The following ABI1 variants were observed in gnomAD, a reference collection of about 807,000 sequenced individuals.
The protein encoded by ABI1 is abl interactor 1.
Under a neutral mutation model 54.6 loss-of-function variants are expected in ABI1, and 14 were observed. The ratio of observed to expected loss-of-function variants is 0.26; its 90% CI spans 0.17 to 0.40. The LOEUF (loss-of-function observed/expected upper bound fraction) is 0.40, where lower values mean the gene tolerates loss of function less well. Ranked by LOEUF, ABI1 falls within the 10% of genes least tolerant of loss-of-function variation. ABI1 has a pLI of 1.00. For missense variants in ABI1, 443 were observed against 598.3 expected, an observed-to-expected ratio of 0.74 and a Z score of 2.71; for synonymous variants, 194 against 209.3, an observed-to-expected ratio of 0.93 and a Z score of 0.63.
chr10:26,770,289 A>C lies in ABI1; in HGVS notation c.534T>G (p.Thr178=), dbSNP rs925159694. The part of the protein sequence containing the change: ...TGTLSRTNPP[T]QKPPSPPMSG... ...ACATGGGAGGACTTGGCGGTTTCTG[A>C]GTAGGAGGATTTGTTCTCGACAGTG... Residue 178 remains threonine (T), a synonymous_variant, in exon 5 of 11, where the codon ACT becomes ACG. Coordinates refer to ENST00000376140, the MANE Select transcript of ABI1 (RefSeq NM_001012750.3). 7 of 1,614,038 alleles carry C rather than the reference A, an allele frequency of 4.3e-6. No homozygotes were observed. The African/African-American group carries it at 5.3e-5, about 12-fold the overall frequency.
chr10:26,843,795 CACAAG>C (rs2049773235), intron 1 of ABI1, among the ~76,000 whole-genome samples: 1 of 151,336 alleles, frequency 6.6e-6, no homozygotes, highest in Non-Finnish European at 1.5e-5. Context: ...CTCTATATAC[CACAAG>C]ACATTAATAA....
intron 8 of ABI1, among the ~76,000 whole-genome samples, chr10:26,757,902 T>G (rs1838522813): frequency 6.6e-6 from 1 of 151,770 alleles, no homozygotes; most frequent in Non-Finnish European, 1.5e-5. Flanking sequence ...ATGCTGTCCC[T>G]TCTAAAAATA....
At chr10:26,825,847 T>C (rs937974120) in intron 1 of ABI1, among the ~76,000 whole-genome samples, 1 of 152,212 alleles carries the variant, frequency 6.6e-6, no homozygotes, top group African/African-American at 2.4e-5. Flanking sequence ...AAGGAACAAC[T>C]CATCCATTCA....
chr10:26,786,643 T>C (rs1357099774), intron 2 of ABI1, among the ~76,000 whole-genome samples: 1 of 152,198 alleles, frequency 6.6e-6, no homozygotes, highest in African/African-American at 2.4e-5. Flanking sequence ...AGGGAAAATA[T>C]TGAGATTTCA....
chr10:26,815,466 T>C (rs552287623), intron 2 of ABI1, among the ~76,000 whole-genome samples: 1 of 152,280 alleles, frequency 6.6e-6, no homozygotes, highest in South Asian at 2.1e-4. Context: ...ACAGAGAATA[T>C]TCATAATTAA....
chr10:26,846,452 C>A (rs10829105), intron 1 of ABI1, among the ~76,000 whole-genome samples: 1 of 151,162 alleles, frequency 6.6e-6, no homozygotes, highest in East Asian at 2.0e-4. Flanking sequence ...AAGTGATTCT[C>A]CTGCCTCAGC....
At chr10:26,836,747 G>A (rs1361877463) in intron 1 of ABI1, among the ~76,000 whole-genome samples, 1 of 152,166 alleles carries the variant, frequency 6.6e-6, no homozygotes, top group Non-Finnish European at 1.5e-5. Flanking sequence ...CTGAGCTGAA[G>A]AATTAACCCT....
chr10:26,766,046 G>A (rs1235066307), intron 6 of ABI1, among the ~76,000 whole-genome samples: 1 of 152,114 alleles, frequency 6.6e-6, no homozygotes, highest in Non-Finnish European at 1.5e-5. Context: ...AAAAGAGAAA[G>A]TACAAATGAT....
chr10:26,848,781 G>C (rs1267058661), intron 1 of ABI1, among the ~76,000 whole-genome samples: 1 of 151,346 alleles, frequency 6.6e-6, no homozygotes, highest in African/African-American at 2.4e-5. Context: ...GCTAATTTTT[G>C]TATTTTTAGT....
chr10:26,793,576 G>T (rs1490861288), intron 2 of ABI1, among the ~76,000 whole-genome samples: 1 of 152,148 alleles, frequency 6.6e-6, no homozygotes, highest in Non-Finnish European at 1.5e-5. Flanking sequence ...TACTTCCCAT[G>T]ACATTTTTCT....
intron 2 of ABI1, among the ~76,000 whole-genome samples, chr10:26,811,027 T>C (rs2133560332): frequency 6.6e-6 from 1 of 152,202 alleles, no homozygotes; most frequent in Non-Finnish European, 1.5e-5. Context: ...TATCTTTTAT[T>C]TAATTTCAAA....
intron 1 of ABI1, among the ~76,000 whole-genome samples, chr10:26,833,991 G>A (rs2048856518): frequency 6.6e-6 from 1 of 152,118 alleles, no homozygotes; most frequent in South Asian, 2.1e-4. Flanking sequence ...CACTTTGGAA[G>A]GCCAAAGTGG....
chr10:26,835,106 A>AAAAAAAAAAAAC (rs1564561541), intron 1 of ABI1, among the ~76,000 whole-genome samples: 1 of 124,754 alleles, frequency 8.0e-6, no homozygotes, highest in Non-Finnish European at 1.7e-5. Flanking sequence ...AAAAAAAAAA[A>AAAAAAAAAAAAC]AAAAAAAAAC....
intron 1 of ABI1, among the ~76,000 whole-genome samples, chr10:26,844,927 C>T (rs749267075): frequency 6.6e-5 from 10 of 152,142 alleles, no homozygotes; most frequent in Non-Finnish European, 1.2e-4. Flanking sequence ...TGGTCACTGT[C>T]CATCCAGTCT....
chr10:26,774,924 A>T (rs896387560), intron 3 of ABI1, among the ~76,000 whole-genome samples: 2 of 152,110 alleles, frequency 1.3e-5, no homozygotes, highest in Non-Finnish European at 2.9e-5. Flanking sequence ...CCAATATATG[A>T]GGGTCTACTC....
intron 5 of ABI1, 24 bp downstream of exon 5, chr10:26,770,221 T>C (rs1332090951): frequency 6.3e-7 from 1 of 1,594,028 alleles, no homozygotes; most frequent in South Asian, 1.1e-5. Context: ...TGAATTCTTT[T>C]GCAAAATGTA....
chr10:26,757,898 T>A (rs1380552225), intron 8 of ABI1, among the ~76,000 whole-genome samples: 1 of 151,786 alleles, frequency 6.6e-6, no homozygotes, highest in Non-Finnish European at 1.5e-5. Context: ...TGAAATGCTG[T>A]CCCTTCTAAA....
intron 2 of ABI1, among the ~76,000 whole-genome samples, chr10:26,796,609 A>T (rs1844201500): frequency 6.6e-6 from 1 of 152,208 alleles, no homozygotes; most frequent in South Asian, 2.1e-4. Flanking sequence ...CTTGTCATTA[A>T]GCAAGCATGA....
chr10:26,800,372 G>A (rs1247384570), intron 2 of ABI1, among the ~76,000 whole-genome samples: 1 of 152,108 alleles, frequency 6.6e-6, no homozygotes, highest in African/African-American at 2.4e-5. Context: ...GGGAAAGAGT[G>A]AGACTGTGTC....
Sources: allele counts gnomAD v4.1 joint callset (sites outside exome capture counted in the v4.1 genomes callset), GRCh38; gene constraint gnomAD v4.1.1; transcripts MANE v1.5; gene names NCBI Gene and HGNC (gene_info 2026-07-23, HGNC 2026-07-21).